EPB41L4A: variants seen among roughly 807,000 people sequenced by gnomAD.
The protein encoded by EPB41L4A is erythrocyte membrane protein band 4.1 like 4A, also known as band 4.1-like protein 4A.
EPB41L4A carries 100 observed loss-of-function variants against 108.6 expected under a neutral mutation model. The ratio of observed to expected loss-of-function variants is 0.92; its 90% CI spans 0.78 to 1.09. EPB41L4A has a LOEUF of 1.09. Among genes scored for constraint, EPB41L4A ranks in the 50% least tolerant of loss-of-function variants. The probability of loss-of-function intolerance (pLI) is 0.00; values close to 1 mark genes in which losing one functional copy is unlikely to be tolerated. For missense variants in EPB41L4A, 1,030 were observed against 842.7 expected (o/e 1.22, Z -2.75); for synonymous variants, 319 against 289.0 (o/e 1.10, Z -1.05).
At chr5:112,205,751 C>A (rs1762442668) in intron 13 of EPB41L4A, among the ~76,000 whole-genome samples, 1 of 152,120 alleles carries the variant, frequency 6.6e-6, no homozygotes, top group African/African-American at 2.4e-5. Flanking sequence ...GATGCCAGGT[C>A]CATCAATTGT....
At chr5:112,374,633 T>C (rs1395491663) in intron 1 of EPB41L4A, among the ~76,000 whole-genome samples, 1 of 152,238 alleles carries the variant, frequency 6.6e-6, no homozygotes, top group East Asian at 1.9e-4. Context: ...ACACTCCTAG[T>C]GCTGGAGCTC....
chr5:112,250,357 A>C (rs920533519), intron 9 of EPB41L4A, among the ~76,000 whole-genome samples: 1 of 152,190 alleles, frequency 6.6e-6, no homozygotes, highest in African/African-American at 2.4e-5. Context: ...TATTTGAAGG[A>C]ATTCACAGAT....
At chr5:112,313,858 CTTTTT>C (rs1188991050) in intron 1 of EPB41L4A, among the ~76,000 whole-genome samples, 2 of 89,480 alleles carry the variant, frequency 2.2e-5, no homozygotes, top group African/African-American at 9.2e-5. Context: ...AGGTAACTTT[CTTTTT>C]TTTTTTTTTT....
At chr5:112,322,014 T>A (rs562656045) in intron 1 of EPB41L4A, among the ~76,000 whole-genome samples, 1 of 152,326 alleles carries the variant, frequency 6.6e-6, no homozygotes, top group African/African-American at 2.4e-5. Flanking sequence ...ACATAAGTCA[T>A]AATCAGATAA....
chr5:112,178,042 T>TAA (rs376246670), intron 18 of EPB41L4A, among the ~76,000 whole-genome samples: 26 of 142,362 alleles, frequency 1.8e-4, no homozygotes, highest in African/African-American at 5.3e-4. Context: ...AGGCTAGAAT[T>TAA]AAAAAAAAAA....
chr5:112,238,803 C>T (rs1298355799), intron 11 of EPB41L4A, among the ~76,000 whole-genome samples: 2 of 152,180 alleles, frequency 1.3e-5, no homozygotes, highest in East Asian at 3.9e-4. Flanking sequence ...GTACCTAATA[C>T]TATGCCTTGC....
intron 2 of EPB41L4A, among the ~76,000 whole-genome samples, chr5:112,285,390 C>G (rs1057492499): frequency 3.3e-5 from 5 of 152,246 alleles, no homozygotes; most frequent in Non-Finnish European, 5.9e-5. Flanking sequence ...CAACATAATT[C>G]ACATATATGT....
chr5:112,212,887 T>A (rs1747312291), intron 12 of EPB41L4A, among the ~76,000 whole-genome samples: 1 of 152,292 alleles, frequency 6.6e-6, no homozygotes, highest in Non-Finnish European at 1.5e-5. Context: ...TGACTACTTT[T>A]TTCTTAGTCT....
chr5:112,238,307 A>G (rs1749506901), intron 11 of EPB41L4A, among the ~76,000 whole-genome samples: 1 of 152,038 alleles, frequency 6.6e-6, no homozygotes, highest in South Asian at 2.1e-4. Context: ...TGTCTACAGA[A>G]GAACAGTGAA....
At chr5:112,251,840 G>A (rs1262360173) in intron 9 of EPB41L4A, among the ~76,000 whole-genome samples, 1 of 152,170 alleles carries the variant, frequency 6.6e-6, no homozygotes, top group Non-Finnish European at 1.5e-5. Context: ...ATGAGCACAG[G>A]AATGAAGAAG....
At chr5:112,419,364 TG>T, upstream of EPB41L4A, 1 of 362,630 alleles carries the variant, frequency 2.8e-6, no homozygotes, top group Non-Finnish European at 5.2e-6. Flanking sequence ...CCCGCAGTCC[TG>T]GGGACGACAA....
At chr5:112,295,675 C>A in intron 2 of EPB41L4A, among the ~76,000 whole-genome samples, 1 of 152,234 alleles carries the variant, frequency 6.6e-6, no homozygotes, top group African/African-American at 2.4e-5. Context: ...CACTATAAAT[C>A]AGAAAAACAT....
chr5:112,326,005 G>C (rs561853990), intron 1 of EPB41L4A, among the ~76,000 whole-genome samples: 21 of 152,080 alleles, frequency 1.4e-4, no homozygotes, highest in African/African-American at 5.1e-4. Context: ...TTTAAAATTA[G>C]CCAAGTGGGT....
chr5:112,412,555 A>C (rs1762471736), intron 1 of EPB41L4A, among the ~76,000 whole-genome samples: 1 of 152,236 alleles, frequency 6.6e-6, no homozygotes, highest in African/African-American at 2.4e-5. Context: ...TCACAAAGTA[A>C]ACTGACTGGT....
intron 2 of EPB41L4A, among the ~76,000 whole-genome samples, chr5:112,284,319 AG>A (rs1359332388): frequency 6.6e-6 from 1 of 152,176 alleles, no homozygotes; most frequent in African/African-American, 2.4e-5. Context: ...TTTTAAATAA[AG>A]GACAGCATGC....
At chr5:112,204,525 G>A in intron 14 of EPB41L4A, 37 bp from the exon 15 acceptor site, 2 of 1,387,732 alleles carry the variant, frequency 1.4e-6, no homozygotes, top group Non-Finnish European at 2.1e-6. Flanking sequence ...AGAGCCCAGA[G>A]AGTTCCTGGG....
At chr5:112,310,271 C>T (rs1440641085) in intron 1 of EPB41L4A, among the ~76,000 whole-genome samples, 1 of 152,226 alleles carries the variant, frequency 6.6e-6, no homozygotes, top group African/African-American at 2.4e-5. Context: ...TATTCCCTAT[C>T]GGTCTTATTC....
At chr5:112,284,846 T>G (rs529193949) in intron 2 of EPB41L4A, among the ~76,000 whole-genome samples, 2 of 152,282 alleles carry the variant, frequency 1.3e-5, no homozygotes, top group East Asian at 3.9e-4. Context: ...CCCTTCTTAC[T>G]CTCTGACAGT....
At chr5:112,359,152 T>C (rs1758551735) in intron 1 of EPB41L4A, among the ~76,000 whole-genome samples, 1 of 152,220 alleles carries the variant, frequency 6.6e-6, no homozygotes, top group Non-Finnish European at 1.5e-5. Context: ...TTCAGCTATG[T>C]ATTTAAGATT....
Sources: allele counts gnomAD v4.1 joint callset (sites outside exome capture counted in the v4.1 genomes callset), GRCh38; gene constraint gnomAD v4.1.1; transcripts MANE v1.5; gene names NCBI Gene and HGNC (gene_info 2026-07-23, HGNC 2026-07-21).